CAMK1D: variants seen among roughly 807,000 people sequenced by gnomAD.
The protein encoded by CAMK1D is calcium/calmodulin-dependent protein kinase type 1D.
A neutral mutation model predicts 47.7 loss-of-function variants in CAMK1D; 9 were observed. The observed-to-expected ratio is 0.19, with a 90% CI of 0.11 to 0.33. The LOEUF (loss-of-function observed/expected upper bound fraction) is 0.33, where lower values mean the gene tolerates loss of function less well. Among genes scored for constraint, CAMK1D ranks in the 10% least tolerant of loss-of-function variants. The probability of loss-of-function intolerance (pLI) is 1.00; values close to 1 mark genes in which losing one functional copy is unlikely to be tolerated. For synonymous variants in CAMK1D, 184 were observed against 184.9 expected (o/e 0.99, Z 0.04); for missense variants, 291 against 488.7 (o/e 0.60, Z 3.81).
chr10:12,584,483 G>T (rs922607437), intron 2 of CAMK1D, among the ~76,000 whole-genome samples: 1 of 152,100 alleles, frequency 6.6e-6, no homozygotes. Context: ...CAAAGAGGTG[G>T]GTATCAAGGA....
intron 1 of CAMK1D, among the ~76,000 whole-genome samples, chr10:12,457,076 C>T (rs1833272910): frequency 6.6e-6 from 1 of 152,084 alleles, no homozygotes; most frequent in Non-Finnish European, 1.5e-5. Context: ...CGCTATGCAG[C>T]TGTTAAAGAG....
At chr10:12,782,993 T>G (rs961120606) in intron 5 of CAMK1D, among the ~76,000 whole-genome samples, 2 of 91,384 alleles carry the variant, frequency 2.2e-5, no homozygotes, top group African/African-American at 8.0e-5. Context: ...TTTTTTTTTT[T>G]TTGTTTTTTT....
intron 2 of CAMK1D, among the ~76,000 whole-genome samples, chr10:12,664,260 G>A (rs117736012): frequency 4.6e-5 from 7 of 152,244 alleles, no homozygotes; most frequent in East Asian, 1.9e-4. Context: ...TAGCAGAAAC[G>A]CAGCAAATGA....
chr10:12,381,777 C>A (rs961666500), intron 1 of CAMK1D, among the ~76,000 whole-genome samples: 1 of 152,074 alleles, frequency 6.6e-6, no homozygotes, highest in African/African-American at 2.4e-5. Context: ...ATTGGATGAT[C>A]CCAGATGTGC....
chr10:12,737,472 C>T (rs917502352), intron 3 of CAMK1D, among the ~76,000 whole-genome samples: 1 of 152,154 alleles, frequency 6.6e-6, no homozygotes. Context: ...CAGGCTGTCT[C>T]GTATTCCCCA....
chr10:12,796,518 C>G (rs532034512), intron 6 of CAMK1D, among the ~76,000 whole-genome samples: 1 of 152,148 alleles, frequency 6.6e-6, no homozygotes, highest in African/African-American at 2.4e-5. Flanking sequence ...CAAGGCAGTT[C>G]CCATCCCTTT....
At chr10:12,419,532 G>A (rs1026832362) in intron 1 of CAMK1D, among the ~76,000 whole-genome samples, 1 of 151,882 alleles carries the variant, frequency 6.6e-6, no homozygotes, top group Non-Finnish European at 1.5e-5. Context: ...ATGAGTCACC[G>A]CTGTGGTTTT....
At chr10:12,752,129 G>A (rs1438424067) in intron 3 of CAMK1D, among the ~76,000 whole-genome samples, 4 of 151,934 alleles carry the variant, frequency 2.6e-5, no homozygotes, top group South Asian at 2.1e-4. Flanking sequence ...GATTACAGGC[G>A]CCCGCCATCA....
intron 1 of CAMK1D, among the ~76,000 whole-genome samples, chr10:12,503,208 G>A (rs907811814): frequency 6.6e-6 from 1 of 152,226 alleles, no homozygotes; most frequent in African/African-American, 2.4e-5. Context: ...ATATATGTAT[G>A]TGGGTAGACG....
At chr10:12,552,509 G>A (rs1054397816) in intron 1 of CAMK1D, among the ~76,000 whole-genome samples, 3 of 152,162 alleles carry the variant, frequency 2.0e-5, no homozygotes, top group Non-Finnish European at 4.4e-5. Context: ...GGGGATTTTA[G>A]TGTGACTTTC....
chr10:12,508,870 A>C (rs566190501), intron 1 of CAMK1D, among the ~76,000 whole-genome samples: 26 of 152,308 alleles, frequency 1.7e-4, no homozygotes, highest in Admixed American at 4.6e-4. Flanking sequence ...CTCTTTAAGA[A>C]GATTAAAGGA....
intron 5 of CAMK1D, among the ~76,000 whole-genome samples, chr10:12,787,496 G>A (rs1294517545): frequency 6.6e-6 from 1 of 152,110 alleles, no homozygotes; most frequent in Admixed American, 6.5e-5. Context: ...CAGAGTATCC[G>A]CGCTTCCTAG....
chr10:12,643,801 T>C (rs541838003), intron 2 of CAMK1D, among the ~76,000 whole-genome samples: 1 of 151,920 alleles, frequency 6.6e-6, no homozygotes, highest in Non-Finnish European at 1.5e-5. Flanking sequence ...CGAGAATTGC[T>C]TGAACCTGGG....
At chr10:12,477,214 G>A (rs1490734451) in intron 1 of CAMK1D, among the ~76,000 whole-genome samples, 1 of 152,128 alleles carries the variant, frequency 6.6e-6, no homozygotes, top group Non-Finnish European at 1.5e-5. Context: ...TCAGGAGTTC[G>A]AGTCCAGCCT....
chr10:12,425,534 G>A (rs1023827287), intron 1 of CAMK1D, among the ~76,000 whole-genome samples: 2 of 152,006 alleles, frequency 1.3e-5, no homozygotes, highest in African/African-American at 2.4e-5. Context: ...TGCCTGCCTC[G>A]GCCTCCCAAC....
At chr10:12,573,521 G>T (rs552936634) in intron 2 of CAMK1D, among the ~76,000 whole-genome samples, 1 of 152,176 alleles carries the variant, frequency 6.6e-6, no homozygotes, top group African/African-American at 2.4e-5. Flanking sequence ...GTGAGTGGGG[G>T]ACTCACTTTC....
intron 1 of CAMK1D, among the ~76,000 whole-genome samples, chr10:12,387,031 G>C (rs1838516997): frequency 6.6e-6 from 1 of 151,564 alleles, no homozygotes; most frequent in Non-Finnish European, 1.5e-5. Context: ...GTGAAACCCC[G>C]TCTCTACTAA....
intron 3 of CAMK1D, among the ~76,000 whole-genome samples, chr10:12,727,611 C>A (rs1377521264): frequency 6.6e-6 from 1 of 152,176 alleles, no homozygotes; most frequent in Non-Finnish European, 1.5e-5. Flanking sequence ...TGGAAACACA[C>A]CACAGCCTGA....
chr10:12,496,829 C>T (rs1452334201), intron 1 of CAMK1D, among the ~76,000 whole-genome samples: 1 of 152,126 alleles, frequency 6.6e-6, no homozygotes, highest in Non-Finnish European at 1.5e-5. Context: ...CTGTCAAACC[C>T]ATCACCTAGG....
Sources: allele counts gnomAD v4.1 joint callset (sites outside exome capture counted in the v4.1 genomes callset), GRCh38; gene constraint gnomAD v4.1.1; transcripts MANE v1.5; gene names NCBI Gene and HGNC (gene_info 2026-07-23, HGNC 2026-07-21).